Variants in MARK3 observed in about 807,000 individuals in gnomAD.
MARK3 encodes microtubule affinity regulating kinase 3.
In MARK3, 46 loss-of-function variants were observed where a neutral mutation model predicts 90.1. The ratio of observed to expected loss-of-function variants is 0.51; its 90% CI spans 0.40 to 0.65. The LOEUF (loss-of-function observed/expected upper bound fraction) is 0.65, where lower values mean the gene tolerates loss of function less well. Among genes scored for constraint, MARK3 ranks in the 30% least tolerant of loss-of-function variants. MARK3 has a pLI of 0.00. For missense variants in MARK3, 818 were observed against 947.2 expected, an observed-to-expected ratio of 0.86 and a Z score of 1.79; for synonymous variants, 321 against 332.6, an observed-to-expected ratio of 0.97 and a Z score of 0.38.
At chr14:103,389,391 G>C (rs577796860) in intron 1 of MARK3, among the ~76,000 whole-genome samples, 6 of 150,612 alleles carry the variant, frequency 4.0e-5, no homozygotes, top group African/African-American at 1.5e-4. Context: ...AGCCAGGTGC[G>C]GTGGTGCATG....
chr14:103,485,175 A>G (rs1363855205), intron 14 of MARK3, among the ~76,000 whole-genome samples: 1 of 144,884 alleles, frequency 6.9e-6, no homozygotes, highest in Non-Finnish European at 1.5e-5. Context: ...GGTTGCGGTG[A>G]GCCAAGATTG....
chr14:103,440,898 T>G (rs531758103), intron 3 of MARK3, among the ~76,000 whole-genome samples: 14 of 143,244 alleles, frequency 9.8e-5, no homozygotes, highest in Admixed American at 8.0e-4. Flanking sequence ...ATTGCACCAC[T>G]GCACTCCAGC....
intron 2 of MARK3, among the ~76,000 whole-genome samples, chr14:103,405,652 TATGTATTAC>T (rs927505681): frequency 2.6e-5 from 4 of 152,046 alleles, no homozygotes; most frequent in African/African-American, 4.8e-5. Flanking sequence ...ATATAGCTAC[TATGTATTAC>T]ATGTATTACA....
chr14:103,484,163 CT>C (rs34512580), intron 14 of MARK3, among the ~76,000 whole-genome samples: 14 of 146,302 alleles, frequency 9.6e-5, no homozygotes, highest in African/African-American at 1.8e-4. Flanking sequence ...AGAATCTTTT[CT>C]TTTTTTTTTT....
In MARK3 at chr14:103,488,118, C is replaced by T. The variant is rs144273129; in HGVS notation, c.1587-3659C>T. Among the ~76,000 whole-genome samples the T allele has an allele frequency of 6.6e-5, 10 of 152,164 alleles. No individual in the cohort carries two copies. The East Asian group carries it at 9.7e-4, about 15-fold the overall frequency. ...TCTGTACACATGTACAAGAAACAAC[C>T]GAGCATTTCTTTAAAAACCTTAGTC... On this transcript the variant is annotated intron_variant, in intron 14 of 17. Transcript: ENST00000429436.
chr14:103,465,473 A>G, intron 7 of MARK3, 84 bp from the exon 8 acceptor site: 1 of 900,788 alleles, frequency 1.1e-6, no homozygotes, highest in South Asian at 1.5e-5. Context: ...CATTACAGAA[A>G]GCTTTTCTAA....
chr14:103,483,632 A>G (rs564718188), intron 14 of MARK3, among the ~76,000 whole-genome samples: 1 of 152,274 alleles, frequency 6.6e-6, no homozygotes, highest in Non-Finnish European at 1.5e-5. Flanking sequence ...CACAGGGAGC[A>G]TAGGTTAGGG....
intron 3 of MARK3, among the ~76,000 whole-genome samples, chr14:103,434,292 G>T (rs369896393): frequency 6.6e-6 from 1 of 152,062 alleles, no homozygotes; most frequent in Non-Finnish European, 1.5e-5. Context: ...TACCCAAATC[G>T]CAACGAGAAG....
intron 2 of MARK3, among the ~76,000 whole-genome samples, chr14:103,409,558 A>G (rs528331208): frequency 9.1e-4 from 138 of 151,890 alleles, no homozygotes; most frequent in African/African-American, 3.2e-3. Flanking sequence ...ATAGAAATAT[A>G]GAAATTCATT....
chr14:103,386,208 C>T (rs1188006373), intron 1 of MARK3, 128 bp downstream of exon 1: 23 of 904,840 alleles, frequency 2.5e-5, no homozygotes, highest in Non-Finnish European at 3.9e-5. Context: ...CGTAGTCACC[C>T]AGGAGGCAGC....
chr14:103,394,573 A>T (rs898806720), intron 1 of MARK3, among the ~76,000 whole-genome samples: 1 of 152,172 alleles, frequency 6.6e-6, no homozygotes, highest in Admixed American at 6.5e-5. Context: ...TCTGTGGGTT[A>T]TGTGGGACCT....
At chr14:103,405,616 C>T (rs2091237374) in intron 2 of MARK3, among the ~76,000 whole-genome samples, 1 of 152,156 alleles carries the variant, frequency 6.6e-6, no homozygotes, top group African/African-American at 2.4e-5. Context: ...GCTGGGATTA[C>T]AGGCGTGAGC....
intron 3 of MARK3, among the ~76,000 whole-genome samples, chr14:103,430,604 T>C (rs529964368): frequency 6.6e-6 from 1 of 152,282 alleles, no homozygotes; most frequent in Non-Finnish European, 1.5e-5. Context: ...TGCAATCTCT[T>C]TTTTACCACC....
rs2273701 is a variant in MARK3 at position 103,456,888 on chromosome 14, G to A, written c.413-254G>A. On this transcript the variant is annotated intron_variant, in intron 5 of 17. Coordinates refer to ENST00000429436, the MANE Select transcript of MARK3 (RefSeq NM_001128918.3). ...GTTTTTATTAAAGCCTATTGAAAACGCTCTTTAAAATAAGAGTTATATAAT... is the reference window on the plus strand; with the variant it reads ...GTTTTTATTAAAGCCTATTGAAAACACTCTTTAAAATAAGAGTTATATAAT... 5.3e-5 allele frequency among the ~76,000 whole-genome samples: 8 copies of A among 152,036 alleles called. No homozygotes were observed. In the East Asian group the frequency reaches 1.4e-3, roughly 26 times the overall value.
At chr14:103,466,544 CA>C in intron 10 of MARK3, 102 bp downstream of exon 10, 1 of 757,980 alleles carries the variant, frequency 1.3e-6, no homozygotes, top group Non-Finnish European at 2.2e-6. Context: ...GAAAGTTAAG[CA>C]CAAGTCATAT....
intron 12 of MARK3, among the ~76,000 whole-genome samples, chr14:103,472,612 AC>A (rs1245876829): frequency 7.1e-6 from 1 of 140,434 alleles, no homozygotes; most frequent in African/African-American, 2.7e-5. Flanking sequence ...ATGCCACTGC[AC>A]TCCAGCCTGG....
chr14:103,500,834 C>T (rs531378868), intron 17 of MARK3, among the ~76,000 whole-genome samples: 2 of 152,188 alleles, frequency 1.3e-5, no homozygotes, highest in East Asian at 3.9e-4. Context: ...GTTGGCCGGG[C>T]TGGTCTCAAA....
In MARK3 at chr14:103,404,962, A is replaced by G. The variant is rs144220906; in HGVS notation, c.52-114A>G. 347 of 697,394 alleles carry G rather than the reference A, an allele frequency of 5.0e-4. 3 individuals carry two copies. The East Asian group carries it at 0.01, about 21-fold the overall frequency. 43.2% of individuals were successfully genotyped at this position (697,394 alleles called of 1,614,324 possible). ...GTTAAATTCCTTTGAAGTGCTAGAT[A>G]CTTTAAGATTAAAATTAAAGTAGGA... On this transcript the variant is annotated intron_variant, in intron 1 of 17. Coordinates refer to ENST00000429436, the MANE Select transcript of MARK3 (RefSeq NM_001128918.3).
intron 6 of MARK3, among the ~76,000 whole-genome samples, chr14:103,460,855 G>A (rs1228025729): frequency 6.6e-6 from 1 of 152,204 alleles, no homozygotes; most frequent in African/African-American, 2.4e-5. Context: ...CATGCTGACT[G>A]AATAGAACAA....
Sources: gnomAD v4.1 joint callset for allele counts (sites outside exome capture counted in the v4.1 genomes callset) on GRCh38, gnomAD v4.1.1 for gene constraint, MANE v1.5 for transcripts, NCBI Gene and HGNC (gene_info 2026-07-23, HGNC 2026-07-21) for gene names.